Variants in OTOP3 observed in about 807,000 individuals in gnomAD.
OTOP3 encodes the protein proton channel OTOP3.
OTOP3 carries 41 observed loss-of-function variants against 50.8 expected under a neutral mutation model. The ratio of observed to expected loss-of-function variants is 0.81; its 90% CI spans 0.63 to 1.05. The LOEUF (loss-of-function observed/expected upper bound fraction) is 1.05, where lower values mean the gene tolerates loss of function less well. Ranked by LOEUF, OTOP3 falls within the 50% of genes least tolerant of loss-of-function variation. OTOP3 has a pLI of 0.00. For synonymous variants in OTOP3, 320 were observed against 324.4 expected, an observed-to-expected ratio of 0.99 and a Z score of 0.14; for missense variants, 788 against 760.8, an observed-to-expected ratio of 1.04 and a Z score of -0.42.
At position 74,947,102 on chromosome 17, in the gene OTOP3, T is replaced by G; in HGVS notation, c.1193T>G (p.Val398Gly). ...TVKNPTRSLDVVLLMGAALGQ... is the reference protein window; with the variant it reads ...TVKNPTRSLDGVLLMGAALGQ... The stretch of plus-strand genomic sequence containing the variant: ...AAGAACCCTACCCGCAGCCTGGATG[T>G]GGTGCTGCTAATGGGTGCTGCACTG... The change falls in exon 6 of 7, where the codon GTG (valine) becomes GGG (glycine). Residue 398 changes from valine (V) to glycine (G), a missense_variant. Val to Gly is a moderately radical substitution (Grantham distance 109). Coordinates refer to ENST00000328801, the MANE Select transcript of OTOP3 (RefSeq NM_001272005.2). 6.2e-7 allele frequency: 1 copy of G among 1,614,164 alleles called. No homozygotes were observed. Among genetic ancestry groups the G allele is most frequent in the East Asian group, 2.2e-5 (1 of 44,886 alleles).
At chr17:74,942,088 C>A in intron 3 of OTOP3, 51 bp downstream of exon 3, 1 of 1,553,186 alleles carries the variant, frequency 6.4e-7, no homozygotes. Context: ...CCTATCTACC[C>A]ATGCCATGCA....
In OTOP3 at chr17:74,949,825, C is replaced by T. The variant is rs115566900; in HGVS notation, c.*409C>T. The T allele has an allele frequency of 6.4e-3, 1,047 of 163,956 alleles. 11 individuals are homozygous for T. Among genetic ancestry groups the T allele is most frequent in the African/African-American group, 0.024 (987 of 41,976 alleles). 10.2% of individuals were successfully genotyped at this position (163,956 alleles called of 1,614,324 possible). On this transcript the variant is annotated 3_prime_UTR_variant, in exon 7 of 7. Transcript: ENST00000328801. Reference sequence around the variant, plus strand: ...GGTCTGCCCCCTGCTGCGAGAAGAGCACCTGGTCCAAGTGTGGCTCTGGAC... The same window carrying T: ...GGTCTGCCCCCTGCTGCGAGAAGAGTACCTGGTCCAAGTGTGGCTCTGGAC...
Position 74,946,907 on chromosome 17 carries a change from G to T in OTOP3, c.998G>T (p.Gly333Val), listed in dbSNP as rs1332855075. 1.2e-6 allele frequency: 2 copies of T among 1,612,006 alleles called. No individual in the cohort carries two copies. Among genetic ancestry groups the T allele is most frequent in the East Asian group, 2.2e-5 (1 of 44,888 alleles). Residue 333 changes from glycine to valine, a missense_variant, in exon 6 of 7, where the codon GGT (glycine) becomes GTT (valine). Physicochemically the swap from Gly to Val is moderately radical, Grantham distance 109. Transcript: ENST00000328801. Reference sequence around the variant, plus strand: ...CTGGGCCTGCTGGTGCTGCTGGCAGGTGTGTGCGTCTTTGTGCTCTTCCAA... The same window carrying T: ...CTGGGCCTGCTGGTGCTGCTGGCAGTTGTGTGCGTCTTTGTGCTCTTCCAA... Reference protein sequence around the residue: ...PLLGLLVLLAGVCVFVLFQIE... With the variant: ...PLLGLLVLLAVVCVFVLFQIE...
intron 3 of OTOP3, among the ~76,000 whole-genome samples, chr17:74,942,259 C>T (rs2039185005): frequency 6.6e-6 from 1 of 152,226 alleles, no homozygotes; most frequent in Non-Finnish European, 1.5e-5. Flanking sequence ...AATGTAGACA[C>T]TTAGAAGTCC....
Position 74,947,458 on chromosome 17 carries a change from A to G in OTOP3, c.1549A>G (p.Ile517Val), listed in dbSNP as rs139372005. Residue 517 changes from isoleucine to valine, a missense_variant, in exon 6 of 7, where the codon ATC (isoleucine) becomes GTC (valine). Ile to Val is a conservative substitution (Grantham distance 29). Transcript: ENST00000328801. Reference protein sequence around the residue: ...RALKEISLFLILCNITLWMMP... With the variant: ...RALKEISLFLVLCNITLWMMP... Reference sequence around the variant, plus strand: ...ACTCAAGGAGATCTCACTCTTCCTCATCCTCTGCAATATCACAGTAAGTGG... The same window carrying G: ...ACTCAAGGAGATCTCACTCTTCCTCGTCCTCTGCAATATCACAGTAAGTGG... 1.9e-4 allele frequency: 306 copies of G among 1,602,862 alleles called. 1 individual carries two copies. In the African/African-American group the frequency reaches 3.8e-3, roughly 20 times the overall value.
At position 74,949,317 on chromosome 17, in the gene OTOP3, C is replaced by T; in HGVS notation, c.1638C>T (p.Tyr546=). 3.7e-6 allele frequency: 6 copies of T among 1,613,826 alleles called. No homozygotes were observed. The highest frequency in any genetic ancestry group is 5.1e-6 in the Non-Finnish European group (6 of 1,179,988). The part of the protein sequence containing the change: ...ENGLEKDFYG[Y]QIWFAIVNFG... ...GGCTAGAAAAGGATTTCTACGGCTA[C>T]CAGATATGGTTCGCCATCGTCAACT... Residue 546 remains tyrosine, a synonymous_variant, in exon 7 of 7, where the codon TAC becomes TAT. Transcript: ENST00000328801.
At chr17:74,936,681 G>T (rs2039118659) in intron 1 of OTOP3, among the ~76,000 whole-genome samples, 1 of 152,162 alleles carries the variant, frequency 6.6e-6, no homozygotes, top group Admixed American at 6.5e-5. Flanking sequence ...ATACTGTCAG[G>T]GCAAAGACCC....
At chr17:74,941,866 C>T (rs750760681) in intron 2 of OTOP3, 35 bp from the exon 3 acceptor site, 7 of 1,591,676 alleles carry the variant, frequency 4.4e-6, no homozygotes, top group East Asian at 2.2e-5. Flanking sequence ...GCCGGTTCCG[C>T]GCAGGTGCCA....
chr17:74,947,097 G>C lies in OTOP3; in HGVS notation c.1188G>C (p.Leu396=), dbSNP rs1170979030. 2 of 1,614,030 alleles carry C rather than the reference G, an allele frequency of 1.2e-6. No homozygotes were observed. Among genetic ancestry groups the C allele is most frequent in the Non-Finnish European group, 1.7e-6 (2 of 1,180,052 alleles). ...CGGTCAAGAACCCTACCCGCAGCCT[G>C]GATGTGGTGCTGCTAATGGGTGCTG... The part of the protein sequence containing the change: ...LDTVKNPTRS[L]DVVLLMGAAL... Residue 396 remains leucine (L), a synonymous_variant, in exon 6 of 7, where the codon CTG becomes CTC. Transcript: ENST00000328801.
rs924892420 is a variant in OTOP3, at chr17:74,949,707, G to A, written c.*291G>A. ...GGTGCACCCCAGGAGGCTGGCAGGG[G>A]CCCCCTCACGGCTACTCTGTGGGAG... On this transcript the variant is annotated 3_prime_UTR_variant, in exon 7 of 7. Transcript: ENST00000328801. 1 of 375,560 alleles carries A rather than the reference G, an allele frequency of 2.7e-6. No individual in the cohort carries two copies. The highest frequency in any genetic ancestry group is 4.8e-6 in the Non-Finnish European group (1 of 207,694). 23.3% of individuals were successfully genotyped at this position (375,560 alleles called of 1,614,324 possible). A position where few individuals can be genotyped will look rare whatever the true frequency, so the allele number is the denominator to read the frequency against.
rs1260165250 is a variant in OTOP3 at position 74,946,943 on chromosome 17, G to T, written c.1034G>T (p.Ser345Ile). The T allele has an allele frequency of 1.2e-6, 2 of 1,613,136 alleles. No homozygotes were observed. The highest frequency in any genetic ancestry group is 1.7e-6 in the Non-Finnish European group (2 of 1,179,962). ...CVFVLFQIEA[S>I]GPAIACQYFT... ...TTTGTGCTCTTCCAAATCGAGGCCA[G>T]TGGCCCTGCCATTGCTTGCCAGTAC... Residue 345 changes from serine (S) to isoleucine (I), a missense_variant, in exon 6 of 7, where the codon AGT becomes ATT. By Grantham distance (142) the Ser-to-Ile change is moderately radical (BLOSUM62 -2). Coordinates refer to ENST00000328801, the MANE Select transcript of OTOP3 (RefSeq NM_001272005.2).
In OTOP3 at chr17:74,947,339, G is replaced by A. The variant is rs35702634; in HGVS notation, c.1430G>A (p.Arg477His). ...GGAAAGCAGGAGGCTGAGCCTCCCCGCAGAGGCTCCTTGCTGGAGCTGGGC... is the reference window on the plus strand; with the variant it reads ...GGAAAGCAGGAGGCTGAGCCTCCCCACAGAGGCTCCTTGCTGGAGCTGGGC... ...LAGKQEAEPP[R>H]RGSLLELGQG... Residue 477 changes from arginine (R) to histidine (H), a missense_variant, in exon 6 of 7, where the codon CGC becomes CAC. Arg to His is a conservative substitution (Grantham distance 29). Transcript: ENST00000328801. 0.015 allele frequency: 24,734 copies of A among 1,613,094 alleles called. 245 individuals carry two copies. The highest frequency in any genetic ancestry group is 0.018 in the Non-Finnish European group (20,733 of 1,179,946).
intron 6 of OTOP3, among the ~76,000 whole-genome samples, chr17:74,947,768 A>G (rs572470630): frequency 6.6e-6 from 1 of 152,394 alleles, no homozygotes; most frequent in South Asian, 2.1e-4. Context: ...GGAAGAGATC[A>G]GGAAGTACCT....
In OTOP3 at chr17:74,949,458, G is replaced by C. The variant is rs762794376; in HGVS notation, c.*42G>C. 82 of 1,601,188 alleles carry C rather than the reference G, an allele frequency of 5.1e-5. No individual in the cohort carries two copies. The highest frequency in any genetic ancestry group is 6.3e-5 in the Non-Finnish European group (74 of 1,173,646). ...CAGAACCTCGAAGTGCCAAGGTGGG[G>C]AAGATGGTAGCCCAGAGTCTCTGAG... On this transcript the variant is annotated 3_prime_UTR_variant, in exon 7 of 7. Coordinates refer to ENST00000328801, the MANE Select transcript of OTOP3 (RefSeq NM_001272005.2).
chr17:74,947,572 C>T (rs530592015), intron 6 of OTOP3, 97 bp downstream of exon 6: 1 of 1,192,990 alleles, frequency 8.4e-7, no homozygotes, highest in African/African-American at 1.5e-5. Flanking sequence ...ACATCTTTTT[C>T]CAACTAGCTT....
intron 1 of OTOP3, among the ~76,000 whole-genome samples, chr17:74,937,991 G>A (rs550479369): frequency 6.6e-6 from 1 of 152,214 alleles, no homozygotes; most frequent in South Asian, 2.1e-4. Context: ...GAGACCATGG[G>A]AGAAACGCAG....
At chr17:74,948,212 AG>A (rs959886336) in intron 6 of OTOP3, among the ~76,000 whole-genome samples, 3 of 152,088 alleles carry the variant, frequency 2.0e-5, no homozygotes, top group African/African-American at 7.2e-5. Flanking sequence ...GGAAGGTAGG[AG>A]GGGGCAGGGG....
At chr17:74,946,240 A>C (rs1016228214) in intron 5 of OTOP3, among the ~76,000 whole-genome samples, 1 of 152,110 alleles carries the variant, frequency 6.6e-6, no homozygotes, top group East Asian at 1.9e-4. Context: ...AGCCTCCCAA[A>C]GTGTTGGGAT....
At position 74,949,311 on chromosome 17, in the gene OTOP3, C is replaced by T. The variant is rs562755377; in HGVS notation, c.1632C>T (p.Tyr544=). The change falls in exon 7 of 7, where the codon TAC becomes TAT. Residue 544 remains tyrosine, a synonymous_variant. Transcript: ENST00000328801. ...EFENGLEKDF[Y]GYQIWFAIVN... is the part of the protein sequence containing the mutation. ...AGAACGGGCTAGAAAAGGATTTCTACGGCTACCAGATATGGTTCGCCATCG... is the reference window on the plus strand; with the variant it reads ...AGAACGGGCTAGAAAAGGATTTCTATGGCTACCAGATATGGTTCGCCATCG... 3.5e-5 allele frequency: 56 copies of T among 1,614,070 alleles called. No homozygotes were observed. The highest frequency in any genetic ancestry group is 3.3e-4 in the East Asian group (15 of 44,874).
Sources: allele counts gnomAD v4.1 joint callset (sites outside exome capture counted in the v4.1 genomes callset), GRCh38; gene constraint gnomAD v4.1.1; transcripts MANE v1.5; gene names NCBI Gene and HGNC (gene_info 2026-07-23, HGNC 2026-07-21).